The following ACTR6 variants were observed in gnomAD, a reference collection of about 807,000 sequenced individuals.
ACTR6 encodes the protein actin-related protein 6.
In ACTR6, 50 loss-of-function variants were observed where a neutral mutation model predicts 52.5. That is an observed-to-expected ratio of 0.95 (90% CI 0.76 to 1.20). The LOEUF is 1.20. Among genes scored for constraint, ACTR6 ranks in the 50% most tolerant of loss-of-function variants. The pLI, the probability that ACTR6 is intolerant of heterozygous loss-of-function variation, is 0.00. For synonymous variants in ACTR6, 135 were observed against 147.2 expected (o/e 0.92, Z 0.60); for missense variants, 344 against 472.4 (o/e 0.73, Z 2.52).
intron 8 of ACTR6, among the ~76,000 whole-genome samples, chr12:100,217,351 G>T (rs890177092): frequency 6.6e-6 from 1 of 152,170 alleles, no homozygotes; most frequent in Non-Finnish European, 1.5e-5. Flanking sequence ...GGGAAGCAGA[G>T]AAAACCTCTC....
At chr12:100,207,115 A>C (rs1003737648) in intron 3 of ACTR6, among the ~76,000 whole-genome samples, 1 of 152,076 alleles carries the variant, frequency 6.6e-6, no homozygotes, top group African/African-American at 2.4e-5. Context: ...GCTCTGTTGC[A>C]CAATCATGGC....
intron 4 of ACTR6, 179 bp downstream of exon 4, chr12:100,207,965 G>C (rs2096116371): frequency 1.8e-6 from 1 of 560,110 alleles, no homozygotes; most frequent in African/African-American, 1.9e-5. Context: ...TTTGAGATCA[G>C]CCTGGGCAGC....
chr12:100,213,692 GA>G (rs2096121821), intron 8 of ACTR6, among the ~76,000 whole-genome samples: 3 of 152,274 alleles, frequency 2.0e-5, no homozygotes, highest in East Asian at 3.9e-4. Flanking sequence ...GATTAGATTA[GA>G]AAAGGGCAAA....
At chr12:100,210,438 G>A in intron 6 of ACTR6, 87 bp downstream of exon 6, 1 of 1,410,906 alleles carries the variant, frequency 7.1e-7, no homozygotes, top group East Asian at 2.3e-5. Context: ...TACTTTTAAG[G>A]CCAGTCATTG....
intron 10 of ACTR6, 47 bp downstream of exon 10, chr12:100,220,193 G>A: frequency 6.4e-7 from 1 of 1,563,528 alleles, no homozygotes; most frequent in Non-Finnish European, 8.7e-7. Context: ...TCCACATGTA[G>A]AAAAGGTGGT....
Position 100,205,687 on chromosome 12 carries a change from G to A in ACTR6, c.198G>A (p.Val66=), listed in dbSNP as rs200351125. The A allele has an allele frequency of 4.2e-4, 633 of 1,516,518 alleles. No homozygotes were observed. The highest frequency in any genetic ancestry group is 3.4e-4 in the Non-Finnish European group (390 of 1,135,296). The allele number at this position is 1,516,518 out of a possible 1,614,324, so 93.9% of individuals were successfully genotyped here. The change falls in exon 3 of 11, where the codon GTG becomes GTA. Residue 66 remains valine (V), a synonymous_variant. Coordinates refer to ENST00000188312, the MANE Select transcript of ACTR6 (RefSeq NM_022496.5). ...YILPFQKGYL[V]NWDVQRQVWD... is the part of the protein sequence containing the mutation. ...AAAACATTTTTTAGGGCTACTTGGT[G>A]AATTGGGATGTTCAGAGACAAGTTT... is the stretch of plus-strand genomic sequence containing the variant.
chr12:100,222,071 C>T (rs934491361), intron 10 of ACTR6, among the ~76,000 whole-genome samples: 1 of 152,014 alleles, frequency 6.6e-6, no homozygotes, highest in Non-Finnish European at 1.5e-5. Context: ...TCTCCTGCCT[C>T]AGCCTCCCGA....
chr12:100,219,162 A>AAC (rs1364522915), intron 9 of ACTR6, among the ~76,000 whole-genome samples: 2 of 141,684 alleles, frequency 1.4e-5, no homozygotes, highest in African/African-American at 5.1e-5. Context: ...CCTCTCATTA[A>AAC]AAAAAAAAAA....
At chr12:100,210,502 T>A (rs1448649543) in intron 6 of ACTR6, 151 bp downstream of exon 6, 1 of 804,628 alleles carries the variant, frequency 1.2e-6, no homozygotes, top group African/African-American at 1.7e-5. Flanking sequence ...GTGCATCACT[T>A]GAGGCCAGGA....
intron 6 of ACTR6, among the ~76,000 whole-genome samples, chr12:100,211,854 CA>C (rs1430988716): frequency 3.9e-5 from 6 of 152,104 alleles, no homozygotes; most frequent in African/African-American, 1.4e-4. Context: ...CTCAGTCAAA[CA>C]TTTATTGAAC....
intron 1 of ACTR6, among the ~76,000 whole-genome samples, chr12:100,202,078 C>T (rs2114916): frequency 0.014 from 2,070 of 152,024 alleles, 17 homozygotes; most frequent in Middle Eastern, 0.034. Context: ...ACTACAGTTG[C>T]GCACCACCAC....
chr12:100,208,550 C>T (rs2096116997), intron 4 of ACTR6, among the ~76,000 whole-genome samples: 2 of 152,100 alleles, frequency 1.3e-5, no homozygotes, highest in South Asian at 4.1e-4. Context: ...GCTGGGATTA[C>T]AGGCATGAGC....
At chr12:100,208,065 G>A (rs948522179) in intron 4 of ACTR6, 1 of 285,642 alleles carries the variant, frequency 3.5e-6, no homozygotes, top group East Asian at 9.4e-5. Flanking sequence ...GGAAGCTGAG[G>A]CAGAAGGATC....
At chr12:100,217,531 A>G (rs1482381284) in intron 8 of ACTR6, among the ~76,000 whole-genome samples, 1 of 152,198 alleles carries the variant, frequency 6.6e-6, no homozygotes, top group African/African-American at 2.4e-5. Flanking sequence ...ATGATTTAGA[A>G]TATTGTGGAA....
chr12:100,210,721 C>CA (rs537889632), intron 6 of ACTR6, among the ~76,000 whole-genome samples: 3,445 of 129,686 alleles, frequency 0.027, 97 homozygotes, highest in African/African-American at 0.079. Context: ...CTCTCTCTCT[C>CA]AAAAAAAAAA....
chr12:100,219,819 T>C (rs1487116624), intron 9 of ACTR6, among the ~76,000 whole-genome samples, 189 bp from the exon 10 acceptor site: 1 of 152,232 alleles, frequency 6.6e-6, no homozygotes, highest in African/African-American at 2.4e-5. Flanking sequence ...CACTGTTTCA[T>C]GTCTTTATTT....
intron 2 of ACTR6, 155 bp from the exon 3 acceptor site, chr12:100,205,521 A>G (rs1592833259): frequency 2.3e-6 from 1 of 438,816 alleles, no homozygotes; most frequent in East Asian, 4.1e-5. Context: ...ATTAAAAAAA[A>G]GAAATTCATA....
intron 2 of ACTR6, chr12:100,205,292 T>A: frequency 2.9e-6 from 1 of 346,654 alleles, no homozygotes; most frequent in Non-Finnish European, 5.1e-6. Flanking sequence ...TTTAAGAAAA[T>A]AAGTATAGGG....
At chr12:100,219,649 C>A (rs1434324550) in intron 9 of ACTR6, among the ~76,000 whole-genome samples, 5 of 152,086 alleles carry the variant, frequency 3.3e-5, no homozygotes, top group African/African-American at 1.2e-4. Flanking sequence ...CAAGAACCAC[C>A]CCCCTTCCAT....
Sources: gnomAD v4.1 joint callset for allele counts (sites outside exome capture counted in the v4.1 genomes callset) on GRCh38, gnomAD v4.1.1 for gene constraint, MANE v1.5 for transcripts, NCBI Gene and HGNC (gene_info 2026-07-23, HGNC 2026-07-21) for gene names.